The following XRRA1 variants were observed in gnomAD, a reference collection of about 807,000 sequenced individuals.
XRRA1 encodes X-ray radiation resistance-associated protein 1.
XRRA1 carries 69 observed loss-of-function variants against 80.2 expected under a neutral mutation model. That is an observed-to-expected ratio of 0.86 (90% CI 0.71 to 1.05). The LOEUF is 1.05. Ranked by LOEUF, XRRA1 falls within the 50% of genes least tolerant of loss-of-function variation. XRRA1 has a pLI of 0.00. For missense variants in XRRA1, 967 were observed against 976.4 expected (o/e 0.99, Z 0.13); for synonymous variants, 348 against 389.9 (o/e 0.89, Z 1.27).
intron 10 of XRRA1, among the ~76,000 whole-genome samples, chr11:74,891,693 A>C (rs976015893): frequency 6.6e-6 from 1 of 152,202 alleles, no homozygotes; most frequent in South Asian, 2.1e-4. Flanking sequence ...GCTGATAGGC[A>C]ACTTCAGCAA....
At chr11:74,932,044 A>G (rs1009181343) in intron 5 of XRRA1, among the ~76,000 whole-genome samples, 21 of 151,976 alleles carry the variant, frequency 1.4e-4, no homozygotes, top group Non-Finnish European at 2.6e-4. Flanking sequence ...GTATACTAAC[A>G]TATTTATCTG....
intron 18 of XRRA1, 143 bp from the exon 19 acceptor site, chr11:74,843,596 C>T: frequency 8.4e-7 from 1 of 1,191,798 alleles, no homozygotes; most frequent in Non-Finnish European, 1.2e-6. Flanking sequence ...GCCTTTCCAG[C>T]TTGGGAAGTC....
At chr11:74,945,802 T>A (rs371168573) in intron 1 of XRRA1, among the ~76,000 whole-genome samples, 25 of 150,860 alleles carry the variant, frequency 1.7e-4, no homozygotes, top group East Asian at 1.2e-3. Context: ...TCTCTCTCTC[T>A]CACACACACA....
intron 17 of XRRA1, 71 bp from the exon 18 acceptor site, chr11:74,844,030 A>G (rs2037257583): frequency 2.0e-6 from 3 of 1,502,738 alleles, no homozygotes; most frequent in Non-Finnish European, 1.8e-6. Context: ...AACTTCATAC[A>G]GTCACAGCAA....
chr11:74,907,295 G>C (rs772009649), intron 8 of XRRA1, 22 bp from the exon 9 acceptor site: 1 of 1,613,398 alleles, frequency 6.2e-7, no homozygotes, highest in South Asian at 1.1e-5. Flanking sequence ...AAGATCTTGG[G>C]TAATGAGCAA....
intron 2 of XRRA1, among the ~76,000 whole-genome samples, chr11:74,943,209 A>G (rs641584): frequency 0.45 from 68,138 of 151,854 alleles, 15,690 homozygotes; most frequent in Middle Eastern, 0.53. Context: ...GTGTGTGCCC[A>G]TGCATGCACA....
At chr11:74,907,766 C>T (rs1383027083) in intron 8 of XRRA1, among the ~76,000 whole-genome samples, 1 of 152,102 alleles carries the variant, frequency 6.6e-6, no homozygotes, top group East Asian at 1.9e-4. Flanking sequence ...AGGGCACCAC[C>T]CCTGGCTGCA....
intron 10 of XRRA1, among the ~76,000 whole-genome samples, chr11:74,888,639 G>A (rs917983693): frequency 2.0e-4 from 31 of 152,158 alleles, no homozygotes; most frequent in Non-Finnish European, 8.8e-5. Flanking sequence ...GAGGAAGTTC[G>A]AACCCATGGC....
chr11:74,878,782 G>A (rs1490402603), intron 10 of XRRA1, among the ~76,000 whole-genome samples: 5 of 151,192 alleles, frequency 3.3e-5, no homozygotes, highest in South Asian at 4.2e-4. Context: ...GTAGATATGC[G>A]GCATTATTTC....
At chr11:74,866,684 G>C (rs1266311173) in intron 10 of XRRA1, among the ~76,000 whole-genome samples, 1 of 150,568 alleles carries the variant, frequency 6.6e-6, no homozygotes, top group Non-Finnish European at 1.5e-5. Flanking sequence ...AGAAATCCTG[G>C]AATTGAAAAA....
intron 3 of XRRA1, 46 bp from the exon 4 acceptor site, chr11:74,937,114 A>G: frequency 1.3e-6 from 2 of 1,576,126 alleles, no homozygotes; most frequent in South Asian, 1.2e-5. Context: ...CTCCAAAGCT[A>G]CAACGAGTGC....
intron 13 of XRRA1, 22 bp downstream of exon 13, chr11:74,851,967 G>T (rs1287525627): frequency 6.2e-7 from 1 of 1,604,368 alleles, no homozygotes; most frequent in South Asian, 1.1e-5. Flanking sequence ...GTTGAGAGGG[G>T]GCAGGTTTGC....
chr11:74,906,527 T>C, intron 9 of XRRA1, 71 bp from the exon 10 acceptor site: 2 of 1,522,782 alleles, frequency 1.3e-6, no homozygotes, highest in Non-Finnish European at 1.8e-6. Flanking sequence ...CAAGCAACTT[T>C]AGGGAAAAAA....
At chr11:74,845,304 A>C (rs776443027) in intron 15 of XRRA1, 33 bp from the exon 16 acceptor site, 79 of 1,573,964 alleles carry the variant, frequency 5.0e-5, no homozygotes, top group Non-Finnish European at 6.7e-5. Flanking sequence ...TTCATTTGTC[A>C]CTCATTCATT....
At chr11:74,947,810 C>T (rs796194464) in intron 1 of XRRA1, among the ~76,000 whole-genome samples, 11 of 152,022 alleles carry the variant, frequency 7.2e-5, no homozygotes, top group African/African-American at 1.7e-4. Flanking sequence ...CTGCAACCTC[C>T]GCCTCCCCGG....
intron 16 of XRRA1, 140 bp from the exon 17 acceptor site, chr11:74,844,423 A>G: frequency 1.5e-6 from 1 of 648,638 alleles, no homozygotes; most frequent in South Asian, 1.9e-5. Flanking sequence ...CACTGCCCCC[A>G]GGTTTCTTCC....
intron 12 of XRRA1, among the ~76,000 whole-genome samples, chr11:74,852,616 A>C (rs542712728): frequency 6.6e-6 from 1 of 152,252 alleles, no homozygotes; most frequent in Non-Finnish European, 1.5e-5. Context: ...CACACATCTA[A>C]GGGATAAGTA....
chr11:74,916,061 G>T (rs866530630), intron 8 of XRRA1, among the ~76,000 whole-genome samples: 2 of 152,016 alleles, frequency 1.3e-5, no homozygotes, highest in African/African-American at 4.8e-5. Context: ...AAGATTCCTT[G>T]TATGTGATGA....
At chr11:74,923,297 G>A (rs1941388098) in intron 7 of XRRA1, among the ~76,000 whole-genome samples, 1 of 152,320 alleles carries the variant, frequency 6.6e-6, no homozygotes, top group Middle Eastern at 3.4e-3. Flanking sequence ...GAAATGGCTT[G>A]ATAGGACTAG....
Sources: gnomAD v4.1 joint callset for allele counts (sites outside exome capture counted in the v4.1 genomes callset) on GRCh38, gnomAD v4.1.1 for gene constraint, MANE v1.5 for transcripts, NCBI Gene and HGNC (gene_info 2026-07-23, HGNC 2026-07-21) for gene names.